The following SSH2 variants were observed in gnomAD, a reference collection of about 807,000 sequenced individuals.
SSH2 encodes the protein slingshot protein phosphatase 2, also known as protein phosphatase Slingshot homolog 2.
In SSH2, 37 loss-of-function variants were observed where a neutral mutation model predicts 135.2. That is an observed-to-expected ratio of 0.27 (90% CI 0.21 to 0.36). The LOEUF is 0.36. Ranked by LOEUF, SSH2 falls within the 10% of genes least tolerant of loss-of-function variation. SSH2 has a pLI of 1.00. For synonymous variants in SSH2, 628 were observed against 646.2 expected, an observed-to-expected ratio of 0.97 and a Z score of 0.43; for missense variants, 1,408 against 1,765.3, an observed-to-expected ratio of 0.80 and a Z score of 3.63.
intron 2 of SSH2, among the ~76,000 whole-genome samples, chr17:29,844,753 T>G (rs965242322): frequency 6.6e-6 from 1 of 152,210 alleles, no homozygotes; most frequent in Non-Finnish European, 1.5e-5. Context: ...CTTCTATCTA[T>G]TATCTGGTTT....
intron 2 of SSH2, among the ~76,000 whole-genome samples, chr17:29,817,291 C>T (rs2042575227): frequency 6.6e-6 from 1 of 152,204 alleles, no homozygotes; most frequent in Admixed American, 6.5e-5. Context: ...CTCCCATATA[C>T]CTTACCCTCC....
intron 3 of SSH2, among the ~76,000 whole-genome samples, chr17:29,733,241 AT>A: frequency 6.6e-6 from 1 of 152,312 alleles, no homozygotes; most frequent in South Asian, 2.1e-4. Flanking sequence ...CGGTACACAG[AT>A]TTTCTAATAA....
At chr17:29,690,170 A>C (rs2038403847) in intron 5 of SSH2, among the ~76,000 whole-genome samples, 1 of 152,092 alleles carries the variant, frequency 6.6e-6, no homozygotes, top group African/African-American at 2.4e-5. Context: ...TTGGGAAGCC[A>C]AGGCGGGCAG....
intron 3 of SSH2, among the ~76,000 whole-genome samples, chr17:29,783,511 T>A (rs2041889022): frequency 6.6e-6 from 1 of 151,922 alleles, no homozygotes; most frequent in Non-Finnish European, 1.5e-5. Context: ...AGATGTAGGC[T>A]GGGAGCTAGG....
At chr17:29,666,758 A>T in intron 11 of SSH2, 109 bp downstream of exon 11, 1 of 1,074,740 alleles carries the variant, frequency 9.3e-7, no homozygotes. Context: ...TTTTGTCTTT[A>T]AAGTAAGTTA....
intron 1 of SSH2, among the ~76,000 whole-genome samples, chr17:29,867,375 C>T (rs1327798640): frequency 6.6e-6 from 1 of 152,140 alleles, no homozygotes; most frequent in African/African-American, 2.4e-5. Flanking sequence ...GGTTTAAATA[C>T]AACCATCAAC....
chr17:29,791,872 T>C (rs2042071341), intron 3 of SSH2, among the ~76,000 whole-genome samples: 1 of 152,018 alleles, frequency 6.6e-6, no homozygotes, highest in African/African-American at 2.4e-5. Flanking sequence ...TGACAAAGTA[T>C]TGCCAAAAAC....
chr17:29,776,789 G>A (rs1159593222), intron 3 of SSH2: 1 of 152,244 alleles, frequency 6.6e-6, no homozygotes, highest in Non-Finnish European at 1.5e-5. Flanking sequence ...CCCTCTTGCA[G>A]TCCTCCTGAC....
intron 1 of SSH2, among the ~76,000 whole-genome samples, chr17:29,865,876 G>A (rs986013785): frequency 3.3e-5 from 5 of 152,038 alleles, no homozygotes; most frequent in Non-Finnish European, 7.4e-5. Context: ...TGAGGCGGGC[G>A]GATTACCTGA....
intron 1 of SSH2, among the ~76,000 whole-genome samples, chr17:29,878,533 A>G (rs2066077612): frequency 6.6e-6 from 1 of 152,358 alleles, no homozygotes; most frequent in South Asian, 2.1e-4. Flanking sequence ...TGCTCAAAAT[A>G]TATGTTTAGA....
intron 2 of SSH2, among the ~76,000 whole-genome samples, chr17:29,806,568 C>T (rs1395112094): frequency 1.3e-5 from 2 of 152,182 alleles, no homozygotes; most frequent in African/African-American, 4.8e-5. Flanking sequence ...CATACTGATA[C>T]AGCTGTACTA....
chr17:29,636,244 T>C lies in SSH2; in HGVS notation c.1986A>G (p.Gln662=), dbSNP rs1567830545. ...CTGAGATTTCAGTCTGGCAACTGGG[T>C]TGGGGGCTTGGTGACTCAGGATCAG... The part of the protein sequence containing the change: ...MSPDPESPSP[Q]PSCQTEISDF... Residue 662 remains glutamine (Q), a synonymous_variant, in exon 15 of 16, where the codon CAA becomes CAG. Transcript: ENST00000540801. The C allele has an allele frequency of 9.3e-6, 15 of 1,613,972 alleles. No homozygotes were observed. Among genetic ancestry groups the C allele is most frequent in the Non-Finnish European group, 1.3e-5 (15 of 1,180,004 alleles).
chr17:29,670,027 G>A (rs1265626705), intron 9 of SSH2, among the ~76,000 whole-genome samples: 1 of 151,720 alleles, frequency 6.6e-6, no homozygotes, highest in Admixed American at 6.6e-5. Flanking sequence ...GATTACAGGC[G>A]CCTGCCACCA....
chr17:29,763,239 T>G (rs952880336), intron 3 of SSH2, among the ~76,000 whole-genome samples: 2 of 152,292 alleles, frequency 1.3e-5, no homozygotes, highest in Middle Eastern at 3.4e-3. Context: ...TTCTGAGATA[T>G]CTGGTAATAG....
intron 1 of SSH2, among the ~76,000 whole-genome samples, chr17:29,853,820 G>T (rs1231560342): frequency 1.3e-5 from 2 of 151,692 alleles, no homozygotes; most frequent in Admixed American, 1.3e-4. Context: ...GAGACTTAGA[G>T]CCAGGTGTGG....
intron 3 of SSH2, among the ~76,000 whole-genome samples, chr17:29,760,029 A>G (rs562973383): frequency 8.1e-4 from 123 of 152,014 alleles, no homozygotes; most frequent in African/African-American, 2.9e-3. Flanking sequence ...CTTTTTTTCT[A>G]TTTTTTTAGA....
chr17:29,751,598 C>T (rs887763242), intron 3 of SSH2, among the ~76,000 whole-genome samples: 1 of 152,132 alleles, frequency 6.6e-6, no homozygotes, highest in Non-Finnish European at 1.5e-5. Flanking sequence ...AGCATCACCA[C>T]AAACACATGA....
rs1567969193 is a variant in SSH2 at position 29,779,809 on chromosome 17, T to TAAAAAAAAA, written c.188+14084_188+14085insTTTTTTTTT. ...CTGGGCGACAGAGTGAGACTCTGTC[T>TAAAAAAAAA]CAAAAAAAAAAAAAAAAAAAAAAAA... On this transcript the variant is annotated intron_variant, in intron 3 of 15. Coordinates refer to ENST00000540801, the MANE Select transcript of SSH2 (RefSeq NM_001282129.2). Among the ~76,000 whole-genome samples the TAAAAAAAAA allele has an allele frequency of 6.5e-4, 7 of 10,762 alleles. 1 individual carries two copies. Among genetic ancestry groups the TAAAAAAAAA allele is most frequent in the African/African-American group, 2.6e-3 (7 of 2,712 alleles). The allele number at this position is 10,762 out of a possible 152,430, so 7.1% of individuals were successfully genotyped here.
intron 12 of SSH2, among the ~76,000 whole-genome samples, chr17:29,654,778 G>C (rs1178518672): frequency 2.0e-5 from 3 of 152,104 alleles, no homozygotes; most frequent in Non-Finnish European, 4.4e-5. Context: ...ATATAAGATA[G>C]GTCCTCTTCA....
Sources: gnomAD v4.1 joint callset for allele counts (sites outside exome capture counted in the v4.1 genomes callset) on GRCh38, gnomAD v4.1.1 for gene constraint, MANE v1.5 for transcripts, NCBI Gene and HGNC (gene_info 2026-07-23, HGNC 2026-07-21) for gene names.